Variants in CD109 observed in about 807,000 individuals in gnomAD.
The protein encoded by CD109 is CD109 antigen.
CD109 carries 149 observed loss-of-function variants against 165.8 expected under a neutral mutation model. The ratio of observed to expected loss-of-function variants is 0.90; its 90% CI spans 0.79 to 1.03. CD109 has a LOEUF of 1.03. Among genes scored for constraint, CD109 ranks in the 50% least tolerant of loss-of-function variants. CD109 has a pLI of 0.00. For synonymous variants in CD109, 585 were observed against 592.1 expected (o/e 0.99, Z 0.18); for missense variants, 1,712 against 1,677.8 (o/e 1.02, Z -0.36).
intron 2 of CD109, among the ~76,000 whole-genome samples, chr6:73,722,573 G>A (rs911189177): frequency 6.6e-6 from 1 of 152,026 alleles, no homozygotes; most frequent in Non-Finnish European, 1.5e-5. Context: ...TAGTTTTTAC[G>A]GGGCCTATTA....
chr6:73,756,526 A>C, intron 5 of CD109, 117 bp from the exon 6 acceptor site: 4 of 679,428 alleles, frequency 5.9e-6, no homozygotes, highest in Middle Eastern at 5.8e-4. Flanking sequence ...TCATTGCATC[A>C]TTATAAATGT....
At chr6:73,769,130 T>C (rs901423722) in intron 14 of CD109, among the ~76,000 whole-genome samples, 1 of 152,190 alleles carries the variant, frequency 6.6e-6, no homozygotes, top group African/African-American at 2.4e-5. Flanking sequence ...GCTCAGGAGA[T>C]CCACCTGCCT....
chr6:73,739,158 T>C (rs562591535), intron 5 of CD109, among the ~76,000 whole-genome samples: 1 of 152,360 alleles, frequency 6.6e-6, no homozygotes, highest in East Asian at 1.9e-4. Flanking sequence ...TTCCCTTTTG[T>C]ATATTCTATA....
chr6:73,790,288 AT>A (rs774000458), intron 22 of CD109, among the ~76,000 whole-genome samples: 2 of 144,902 alleles, frequency 1.4e-5, no homozygotes, highest in Non-Finnish European at 3.0e-5. Context: ...TAGAGACGGG[AT>A]TTCACCATGT....
rs368124542 is a variant in CD109 at position 73,806,956 on chromosome 6, G to A, written c.3073G>A (p.Gly1025Ser). 8.3e-5 allele frequency: 134 copies of A among 1,613,820 alleles called. 1 individual carries two copies. The highest frequency in any genetic ancestry group is 1.8e-4 in the Admixed American group (11 of 59,970). The change falls in exon 25 of 33, where the codon GGT becomes AGT. Residue 1025 changes from glycine (G) to serine (S), a missense_variant. By Grantham distance (56) the Gly-to-Ser change is moderately conservative (BLOSUM62 0). Coordinates refer to ENST00000287097, the MANE Select transcript of CD109 (RefSeq NM_133493.5). ...GCTTAAAGGACATCAGAAATCCAAC[G>A]GTGAATTTTGGGATCCAGGAAGAGT... ...TWLKGHQKSN[G>S]EFWDPGRVIH...
At chr6:73,706,206 C>T (rs1771259883) in intron 2 of CD109, among the ~76,000 whole-genome samples, 1 of 152,194 alleles carries the variant, frequency 6.6e-6, no homozygotes, top group Non-Finnish European at 1.5e-5. Context: ...TTGCACAGAT[C>T]TGGCCACCAC....
intron 2 of CD109, among the ~76,000 whole-genome samples, chr6:73,710,335 ATT>A (rs1256470961): frequency 1.3e-5 from 2 of 152,178 alleles, no homozygotes; most frequent in African/African-American, 4.8e-5. Context: ...GTGAACTCCC[ATT>A]CACAATTGCT....
chr6:73,821,676 A>G (rs1203873735), intron 32 of CD109, among the ~76,000 whole-genome samples: 2 of 152,198 alleles, frequency 1.3e-5, no homozygotes, highest in African/African-American at 4.8e-5. Flanking sequence ...AACATTGGGT[A>G]CACATGGACA....
At chr6:73,818,275 C>T in intron 30 of CD109, 113 bp from the exon 31 acceptor site, 2 of 1,075,240 alleles carry the variant, frequency 1.9e-6, no homozygotes, top group South Asian at 1.5e-5. Flanking sequence ...TATTTGAACT[C>T]AAACAGTGTT....
Position 73,697,507 on chromosome 6 carries a change from A to G in CD109, c.182A>G (p.Glu61Gly). The G allele has an allele frequency of 6.2e-7, 1 of 1,614,126 alleles. No homozygotes were observed. The highest frequency in any genetic ancestry group is 8.5e-7 in the Non-Finnish European group (1 of 1,179,978). The change falls in exon 2 of 33, where the codon GAG becomes GGG. Residue 61 changes from glutamate (E) to glycine (G), a missense_variant. By Grantham distance (98) the Glu-to-Gly change is moderately conservative. Transcript: ENST00000287097. The stretch of plus-strand genomic sequence containing the variant: ...CCTTCACAGGTGACTGTGAAGGCGG[A>G]GCTGCTCAAGACAGCATCAAACCTC... ...HCPSQVTVKA[E>G]LLKTASNLTV...
rs1562053039 is a variant in CD109, at chr6:73,763,583, A to G, written c.1005A>G (p.Ser335=). 1 of 1,552,462 alleles carries G rather than the reference A, an allele frequency of 6.4e-7. No individual in the cohort carries two copies. ...TTVTESVTGI[S]RNVSTNVFFK... is the part of the protein sequence containing the mutation. Reference sequence around the variant, plus strand: ...GTGCAATTTCCAAAAAAGGTATTTCAAGAAATGTAAGCACTAATGTGTTCT... The same window carrying G: ...GTGCAATTTCCAAAAAAGGTATTTCGAGAAATGTAAGCACTAATGTGTTCT... Residue 335 remains serine (S), a synonymous_variant, in exon 10 of 33, where the codon TCA becomes TCG. Transcript: ENST00000287097.
At chr6:73,686,524 G>A in the CD109 span, among the ~76,000 whole-genome samples, 1 of 151,982 alleles carries the variant, frequency 6.6e-6, no homozygotes, top group Non-Finnish European at 1.5e-5. Context: ...TCTACTGGGC[G>A]GCATATAGTA....
chr6:73,756,603 CAT>C (rs1290728939), intron 5 of CD109, 38 bp from the exon 6 acceptor site: 2 of 1,363,840 alleles, frequency 1.5e-6, no homozygotes, highest in African/African-American at 3.0e-5. Flanking sequence ...AATAAGAACT[CAT>C]ATACTTTCCT....
intron 5 of CD109, among the ~76,000 whole-genome samples, chr6:73,752,687 G>A (rs78274829): frequency 0.022 from 3,328 of 152,238 alleles, 55 homozygotes; most frequent in Non-Finnish European, 0.037. Context: ...TGACCATATT[G>A]GGGAAAGAAG....
rs762138526 is a variant in CD109, at chr6:73,730,335, T to G, written c.277-9T>G. On this transcript the variant is annotated splice_polypyrimidine_tract_variant and intron_variant, in intron 3 of 32. Coordinates refer to ENST00000287097, the MANE Select transcript of CD109 (RefSeq NM_133493.5). ...GAGACCTTGATGTGTGATCTCTTTTTCCCCCCAGCTACCTCTGAACAGTGC... is the reference window on the plus strand; with the variant it reads ...GAGACCTTGATGTGTGATCTCTTTTGCCCCCCAGCTACCTCTGAACAGTGC... 9 of 1,552,322 alleles carry G rather than the reference T, an allele frequency of 5.8e-6. No homozygotes were observed. Among genetic ancestry groups the G allele is most frequent in the Non-Finnish European group, 8.0e-6 (9 of 1,130,732 alleles).
At chr6:73,683,644 C>G in the CD109 span, among the ~76,000 whole-genome samples, 7 of 152,126 alleles carry the variant, frequency 4.6e-5, no homozygotes, top group Admixed American at 4.6e-4. Context: ...CTGTATTAGT[C>G]CGTTTTCACA....
chr6:73,785,356 C>T lies in CD109; in HGVS notation c.2224-8C>T, dbSNP rs1774647035. The T allele has an allele frequency of 1.3e-6, 2 of 1,485,998 alleles. No individual in the cohort carries two copies. Among genetic ancestry groups the T allele is most frequent in the Non-Finnish European group, 9.4e-7 (1 of 1,068,894 alleles). The allele number at this position is 1,485,998 out of a possible 1,614,324, so 92.1% of individuals were successfully genotyped here. A position where few individuals can be genotyped will look rare whatever the true frequency, so the allele number is the denominator to read the frequency against. On this transcript the variant is annotated splice_region_variant and splice_polypyrimidine_tract_variant and intron_variant, in intron 19 of 32. Transcript: ENST00000287097. ...AATAAAAATATGTACTCGTTGTGTT[C>T]TTTCCAGCTCCAAGCCTTCCAACCA...
At chr6:73,713,477 T>C (rs1390255241) in intron 2 of CD109, among the ~76,000 whole-genome samples, 2 of 152,108 alleles carry the variant, frequency 1.3e-5, no homozygotes, top group African/African-American at 4.8e-5. Context: ...GGTCTTGAAC[T>C]CCTTGCCTCA....
At chr6:73,729,583 G>C (rs548140676) in intron 3 of CD109, among the ~76,000 whole-genome samples, 196 of 151,454 alleles carry the variant, frequency 1.3e-3, no homozygotes, top group African/African-American at 4.5e-3. Context: ...GCAGTGGCAC[G>C]ATCTCGGCTC....
Sources: allele counts gnomAD v4.1 joint callset (sites outside exome capture counted in the v4.1 genomes callset), GRCh38; gene constraint gnomAD v4.1.1; transcripts MANE v1.5; gene names NCBI Gene and HGNC (gene_info 2026-07-23, HGNC 2026-07-21).